The following KCNH8 variants were observed in gnomAD, a reference collection of about 807,000 sequenced individuals.
KCNH8 encodes potassium voltage-gated channel subfamily H member 8, also known as voltage-gated delayed rectifier potassium channel KCNH8.
KCNH8 carries 70 observed loss-of-function variants against 103.6 expected under a neutral mutation model. The ratio of observed to expected loss-of-function variants is 0.68; its 90% CI spans 0.56 to 0.82. KCNH8 has a LOEUF of 0.82. KCNH8 is among the 40% of genes least tolerant of loss of function. The pLI is 0.00. For synonymous variants in KCNH8, 498 were observed against 489.4 expected, an observed-to-expected ratio of 1.02 and a Z score of -0.23; for missense variants, 1,217 against 1,329.9, an observed-to-expected ratio of 0.92 and a Z score of 1.32.
chr3:19,513,163 C>T lies in KCNH8; in HGVS notation c.2273C>T (p.Ser758Leu), dbSNP rs772733846. 2.2e-5 allele frequency: 36 copies of T among 1,613,850 alleles called. No homozygotes were observed. Among genetic ancestry groups the T allele is most frequent in the African/African-American group, 6.7e-5 (5 of 74,916 alleles). Residue 758 changes from serine (S) to leucine (L), a missense_variant, in exon 13 of 16, where the codon TCG (serine) becomes TTG (leucine). Around this residue, in one of 3 missense-constraint regions of KCNH8, gnomAD observed 558 missense variants for 495.8 expected, o/e 1.13. Transcript: ENST00000328405. ...YLGLSLKQLA[S>L]GTVPFHSPIR... Reference sequence around the variant, plus strand: ...GGCTTAAGCTTAAAGCAACTGGCCTCGGGAACGGTGCCCTTTCACTCGCCT... The same window carrying T: ...GGCTTAAGCTTAAAGCAACTGGCCTTGGGAACGGTGCCCTTTCACTCGCCT...
chr3:19,284,000 A>G (rs1042331749), intron 3 of KCNH8, among the ~76,000 whole-genome samples: 2 of 151,736 alleles, frequency 1.3e-5, no homozygotes, highest in Non-Finnish European at 2.9e-5. Flanking sequence ...CCCTTAATGG[A>G]GAAAAACACC....
chr3:19,300,576 C>T (rs2125289105), intron 3 of KCNH8, among the ~76,000 whole-genome samples: 1 of 152,182 alleles, frequency 6.6e-6, no homozygotes. Context: ...GAAACCTAGA[C>T]CCCTAGGTGC....
At chr3:19,273,683 C>T (rs1046492445) in intron 2 of KCNH8, among the ~76,000 whole-genome samples, 1 of 152,142 alleles carries the variant, frequency 6.6e-6, no homozygotes, top group African/African-American at 2.4e-5. Context: ...TATGGTGCCT[C>T]ATATGTTAGC....
rs1436959110 is a variant in KCNH8, at chr3:19,162,708, A to G, written c.76+13913A>G. On this transcript the variant is annotated intron_variant, in intron 1 of 15. Coordinates refer to ENST00000328405, the MANE Select transcript of KCNH8 (RefSeq NM_144633.3). ...AATTTAAGTTCCGTACTGATTTTGC[A>G]ATCTCTAAATCTGGAACAACATTAC... Among the ~76,000 whole-genome samples, 6 of 152,136 alleles carry G rather than the reference A, an allele frequency of 3.9e-5. 1 individual carries two copies. The highest frequency in any genetic ancestry group is 4.1e-4 in the South Asian group (2 of 4,832).
In KCNH8 at chr3:19,366,611, C is replaced by T. The variant is rs190170069; in HGVS notation, c.811+18646C>T. ...AAGGGTTTTTTTCCCTCTTACCAAA[C>T]GAGTTCTGCTATGTCATTCTCTCTT... On this transcript the variant is annotated intron_variant, in intron 5 of 15. Coordinates refer to ENST00000328405, the MANE Select transcript of KCNH8 (RefSeq NM_144633.3). 9.7e-4 allele frequency among the ~76,000 whole-genome samples: 147 copies of T among 152,004 alleles called. 1 individual carries two copies. Among genetic ancestry groups the T allele is most frequent in the Admixed American group, 1.9e-3 (29 of 15,242 alleles).
At position 19,373,303 on chromosome 3, in the gene KCNH8, T is replaced by A. The variant is rs2066132449; in HGVS notation, c.812-17178T>A. Among the ~76,000 whole-genome samples the A allele has an allele frequency of 2.0e-5, 3 of 152,310 alleles. No individual in the cohort carries two copies. In the South Asian group the frequency reaches 6.2e-4, roughly 32 times the overall value. ...AGAATTTCAGATCCTGTTATTGGTCTATTCAGAGATTCAGCTTCTTCCTGG... is the reference window on the plus strand; with the variant it reads ...AGAATTTCAGATCCTGTTATTGGTCAATTCAGAGATTCAGCTTCTTCCTGG... On this transcript the variant is annotated intron_variant, in intron 5 of 15. Transcript: ENST00000328405.
intron 1 of KCNH8, among the ~76,000 whole-genome samples, chr3:19,180,565 C>T (rs17054): frequency 0.018 from 2,672 of 152,162 alleles, 73 homozygotes; most frequent in Non-Finnish European, 0.019. Context: ...TGCCTTATTT[C>T]GGGCAGGTTC....
chr3:19,472,536 T>C (rs939107168), intron 11 of KCNH8, among the ~76,000 whole-genome samples: 1 of 152,156 alleles, frequency 6.6e-6, no homozygotes, highest in African/African-American at 2.4e-5. Flanking sequence ...CCATGTAAGA[T>C]GTGACTTGCT....
At chr3:19,335,455 A>G (rs955934030) in intron 3 of KCNH8, among the ~76,000 whole-genome samples, 13 of 140,618 alleles carry the variant, frequency 9.2e-5, no homozygotes, top group Admixed American at 2.3e-4. Context: ...GTATATATAT[A>G]TGTGTGTGTG....
At chr3:19,290,680 T>C (rs1217625467) in intron 3 of KCNH8, among the ~76,000 whole-genome samples, 1 of 152,224 alleles carries the variant, frequency 6.6e-6, no homozygotes, top group African/African-American at 2.4e-5. Flanking sequence ...TGCATCAGTG[T>C]TAATCAGGGA....
chr3:19,148,797 T>C lies in KCNH8; in HGVS notation c.76+2T>C. The C allele has an allele frequency of 1.2e-6, 2 of 1,613,354 alleles. No homozygotes were observed. The highest frequency in any genetic ancestry group is 1.7e-6 in the Non-Finnish European group (2 of 1,179,216). On this transcript the variant is annotated splice_donor_variant, in intron 1 of 15. Transcript: ENST00000328405. LOFTEE classifies it high-confidence loss of function. ...TCGCCACCCGTTTTGACGGAACACG[T>C]AAGTCTTACACTTGAACGAGTGGTA...
chr3:19,526,310 T>G (rs1226238611), intron 15 of KCNH8, among the ~76,000 whole-genome samples: 1 of 151,956 alleles, frequency 6.6e-6, no homozygotes, highest in Non-Finnish European at 1.5e-5. Flanking sequence ...AACCACATTT[T>G]TTCTCTGCCT....
intron 7 of KCNH8, 131 bp downstream of exon 7, chr3:19,395,442 A>G (rs1015478347): frequency 4.5e-5 from 27 of 600,686 alleles, no homozygotes; most frequent in South Asian, 1.3e-4. Context: ...ATTAATTTCT[A>G]TTTTTGAATC....
intron 1 of KCNH8, among the ~76,000 whole-genome samples, chr3:19,250,004 G>A (rs948797817): frequency 1.3e-5 from 2 of 152,120 alleles, no homozygotes; most frequent in African/African-American, 2.4e-5. Context: ...CAAGGCCAAG[G>A]TGAGTGAACC....
At chr3:19,484,246 A>G (rs1000622175) in intron 11 of KCNH8, among the ~76,000 whole-genome samples, 10 of 152,206 alleles carry the variant, frequency 6.6e-5, no homozygotes, top group African/African-American at 2.2e-4. Context: ...TTCCTGGGCT[A>G]CATACCTTGT....
chr3:19,393,909 A>G (rs1426176239), intron 6 of KCNH8, among the ~76,000 whole-genome samples: 1 of 152,088 alleles, frequency 6.6e-6, no homozygotes, highest in Non-Finnish European at 1.5e-5. Flanking sequence ...TCTTAACTTG[A>G]TAATTTATTC....
intron 3 of KCNH8, among the ~76,000 whole-genome samples, chr3:19,337,867 T>C (rs1020836934): frequency 1.3e-5 from 2 of 151,986 alleles, no homozygotes; most frequent in Admixed American, 1.3e-4. Context: ...TTTGAAAGTT[T>C]AAAATCTTGC....
At chr3:19,504,004 A>G (rs889224195) in intron 11 of KCNH8, among the ~76,000 whole-genome samples, 6 of 152,158 alleles carry the variant, frequency 3.9e-5, no homozygotes, top group Non-Finnish European at 7.3e-5. Context: ...ACATAAGTCA[A>G]TGGAACAGAA....
At chr3:19,502,212 C>T (rs1180395848) in intron 11 of KCNH8, among the ~76,000 whole-genome samples, 2 of 151,302 alleles carry the variant, frequency 1.3e-5, no homozygotes, top group African/African-American at 4.9e-5. Flanking sequence ...ATCCAACTTA[C>T]AAGGGATGTG....
Sources: allele counts gnomAD v4.1 joint callset (sites outside exome capture counted in the v4.1 genomes callset), GRCh38; gene constraint gnomAD v4.1.1; regional missense constraint gnomAD v4.1.1; transcripts MANE v1.5; gene names NCBI Gene and HGNC (gene_info 2026-07-23, HGNC 2026-07-21).